The following FAM169A variants were observed in gnomAD, a reference collection of about 807,000 sequenced individuals.
FAM169A encodes the protein family with sequence similarity 169 member A.
FAM169A carries 24 observed loss-of-function variants against 75.7 expected under a neutral mutation model. The observed-to-expected ratio is 0.32, with a 90% confidence interval of 0.23 to 0.45. FAM169A has a LOEUF of 0.45. Among genes scored for constraint, FAM169A ranks in the 20% least tolerant of loss-of-function variants. The pLI is 1.00. For synonymous variants in FAM169A, 271 were observed against 271.0 expected (o/e 1.00, Z 0.00); for missense variants, 673 against 784.0 (o/e 0.86, Z 1.69).
rs1196710443 is a variant in FAM169A at position 74,805,159 on chromosome 5, G to C, written c.796C>G (p.Leu266Val). The stretch of plus-strand genomic sequence containing the variant: ...TTCAAACTGAAAACACTCTTACCTA[G>C]AATTTTAAGTGCTTCTCTTTGTAAT... ...RALQREALKI[L>V]ALSQNEPKRP... The change falls in exon 7 of 13, where the codon CTA becomes GTA. Residue 266 changes from leucine to valine, a missense_variant. This residue lies in a region of FAM169A where 510 missense variants were observed against 550.9 expected (regional missense o/e 0.93). Coordinates refer to ENST00000687041, the MANE Select transcript of FAM169A (RefSeq NM_001376049.1). 1.9e-6 allele frequency: 3 copies of C among 1,613,564 alleles called. No homozygotes were observed. The highest frequency in any genetic ancestry group is 2.5e-6 in the Non-Finnish European group (3 of 1,179,668).
intron 11 of FAM169A, among the ~76,000 whole-genome samples, chr5:74,786,204 G>A (rs534290257): frequency 1.3e-5 from 2 of 152,306 alleles, no homozygotes; most frequent in Admixed American, 6.5e-5. Flanking sequence ...TCAGCTTGCA[G>A]ACAGCCTATT....
chr5:74,863,669 A>T (rs1179936051), intron 1 of FAM169A, among the ~76,000 whole-genome samples: 1 of 152,220 alleles, frequency 6.6e-6, no homozygotes, highest in Admixed American at 6.5e-5. Context: ...ATAGAGAAAA[A>T]TATTCGATTT....
Position 74,866,198 on chromosome 5 carries a change from C to T in FAM169A, c.-37G>A, listed in dbSNP as rs1490312356. On this transcript the variant is annotated 5_prime_UTR_variant, in exon 1 of 13. Coordinates refer to ENST00000687041, the MANE Select transcript of FAM169A (RefSeq NM_001376049.1). ...CGCCCCGGGAGCCGCTGGAAGAGCC[C>T]GGGAAAGGAGGCGGAGCCGCGCGAA... 44 of 984,316 alleles carry T rather than the reference C, an allele frequency of 4.5e-5. No individual in the cohort carries two copies. In the East Asian group the frequency reaches 5.7e-4, roughly 13 times the overall value. 61.0% of individuals were successfully genotyped at this position (984,316 alleles called of 1,614,324 possible). A position where few individuals can be genotyped will look rare whatever the true frequency, so the allele number is the denominator to read the frequency against.
At chr5:74,797,305 T>A (rs1003355930) in intron 10 of FAM169A, among the ~76,000 whole-genome samples, 1 of 152,140 alleles carries the variant, frequency 6.6e-6, no homozygotes, top group Admixed American at 6.5e-5. Context: ...GCCTCCTGAG[T>A]AGCTGGGATT....
rs546367155 is a variant in FAM169A at position 74,846,053 on chromosome 5, G to A, written c.-3-4374C>T. Among the ~76,000 whole-genome samples the A allele has an allele frequency of 1.3e-4, 20 of 152,196 alleles. 1 individual carries two copies. The South Asian group carries it at 4.1e-3, about 32-fold the overall frequency. ...AGTAGTATGACTAGGAAAACAGAACGTAATAACTGTTTTTCTTCTCTTATG... is the reference window on the plus strand; with the variant it reads ...AGTAGTATGACTAGGAAAACAGAACATAATAACTGTTTTTCTTCTCTTATG... On this transcript the variant is annotated intron_variant, in intron 1 of 12. Coordinates refer to ENST00000687041, the MANE Select transcript of FAM169A (RefSeq NM_001376049.1).
chr5:74,824,978 A>AC (rs1409981354), intron 5 of FAM169A, among the ~76,000 whole-genome samples: 1 of 151,812 alleles, frequency 6.6e-6, no homozygotes, highest in Non-Finnish European at 1.5e-5. Context: ...AAACCCCAAC[A>AC]CCCCTAAATA....
At chr5:74,820,963 T>A (rs1183341117) in intron 5 of FAM169A, among the ~76,000 whole-genome samples, 7 of 152,234 alleles carry the variant, frequency 4.6e-5, no homozygotes, top group African/African-American at 1.7e-4. Context: ...GCTTCTGCAT[T>A]TTCAGCTCTT....
intron 11 of FAM169A, among the ~76,000 whole-genome samples, chr5:74,792,899 C>T (rs565287050): frequency 1.3e-5 from 2 of 152,248 alleles, no homozygotes; most frequent in South Asian, 4.1e-4. Flanking sequence ...CCACTACTGG[C>T]TATCTACCCA....
intron 6 of FAM169A, among the ~76,000 whole-genome samples, chr5:74,806,085 T>C (rs886074773): frequency 6.6e-6 from 1 of 151,782 alleles, no homozygotes; most frequent in Admixed American, 6.6e-5. Flanking sequence ...TACCAAGTAT[T>C]TGAAACCAAG....
chr5:74,854,758 C>T (rs1749622285), intron 1 of FAM169A, among the ~76,000 whole-genome samples: 2 of 152,180 alleles, frequency 1.3e-5, no homozygotes, highest in Admixed American at 1.3e-4. Context: ...ATCTCAAGTT[C>T]CATCCATGTT....
chr5:74,794,677 G>A (rs1423834111), intron 11 of FAM169A, among the ~76,000 whole-genome samples: 1 of 151,308 alleles, frequency 6.6e-6, no homozygotes, highest in Non-Finnish European at 1.5e-5. Context: ...TACTCAGGAG[G>A]CTGAGGCAGG....
chr5:74,798,231 C>T (rs531043385), intron 10 of FAM169A, among the ~76,000 whole-genome samples: 1 of 152,302 alleles, frequency 6.6e-6, no homozygotes, highest in Admixed American at 6.5e-5. Flanking sequence ...CTCTCTTTAC[C>T]CCTAGGCAGT....
chr5:74,788,431 G>A (rs1192580805), intron 11 of FAM169A, among the ~76,000 whole-genome samples: 1 of 152,124 alleles, frequency 6.6e-6, no homozygotes, highest in Non-Finnish European at 1.5e-5. Flanking sequence ...TCAGGCCGGG[G>A]GCGGTGGCTC....
intron 5 of FAM169A, among the ~76,000 whole-genome samples, chr5:74,830,660 T>C (rs535741858): frequency 5.9e-5 from 9 of 152,228 alleles, no homozygotes; most frequent in Admixed American, 2.0e-4. Flanking sequence ...CCTGTCACCA[T>C]GACTATACAT....
intron 1 of FAM169A, among the ~76,000 whole-genome samples, chr5:74,850,707 T>A (rs1334764976): frequency 6.6e-6 from 1 of 152,196 alleles, no homozygotes; most frequent in Non-Finnish European, 1.5e-5. Flanking sequence ...TCAAAACTTT[T>A]GCATCTAAAA....
chr5:74,790,593 A>C (rs1273196046), intron 11 of FAM169A, among the ~76,000 whole-genome samples: 1 of 152,166 alleles, frequency 6.6e-6, no homozygotes, highest in Non-Finnish European at 1.5e-5. Flanking sequence ...GGATTTTAAT[A>C]ATCGAGTGGA....
chr5:74,796,293 A>G, intron 10 of FAM169A, 107 bp from the exon 11 acceptor site: 1 of 975,298 alleles, frequency 1.0e-6, no homozygotes, highest in South Asian at 1.9e-5. Context: ...TATGTTGTCA[A>G]CAACTTCAGA....
intron 6 of FAM169A, among the ~76,000 whole-genome samples, chr5:74,806,415 C>G (rs930565181): frequency 5.9e-5 from 9 of 152,132 alleles, no homozygotes; most frequent in African/African-American, 2.2e-4. Context: ...ATTCTAAGAC[C>G]TAATGTGAAA....
At chr5:74,800,061 A>C (rs1406779306) in intron 10 of FAM169A, 53 of 714,798 alleles carry the variant, frequency 7.4e-5, no homozygotes, top group Non-Finnish European at 1.3e-4. Context: ...ACAATTTGGG[A>C]TTTCAAGGAT....
Sources: gnomAD v4.1 joint callset for allele counts (sites outside exome capture counted in the v4.1 genomes callset) on GRCh38, gnomAD v4.1.1 for gene constraint, gnomAD v4.1.1 regional missense constraint, MANE v1.5 for transcripts, NCBI Gene and HGNC (gene_info 2026-07-23, HGNC 2026-07-21) for gene names.